Variants in TOX3 observed in about 807,000 individuals in gnomAD.
TOX3 encodes the protein CAG trinucleotide repeat-containing gene F9 protein.
A neutral mutation model predicts 64.3 loss-of-function variants in TOX3; 22 were observed. The ratio of observed to expected loss-of-function variants is 0.34; its 90% CI spans 0.24 to 0.49. TOX3 has a LOEUF of 0.49. Among genes scored for constraint, TOX3 ranks in the 20% least tolerant of loss-of-function variants. The pLI is 0.99. For synonymous variants in TOX3, 291 were observed against 273.6 expected (o/e 1.06, Z -0.63); for missense variants, 661 against 714.4 (o/e 0.93, Z 0.85).
chr16:52,496,523 T>C (rs1961853702), intron 1 of TOX3, among the ~76,000 whole-genome samples: 1 of 152,188 alleles, frequency 6.6e-6, no homozygotes, highest in Admixed American at 6.5e-5. Context: ...AAGAAGTACT[T>C]TCTAAAGACA....
At chr16:52,460,719 G>GA (rs112497200) in intron 3 of TOX3, among the ~76,000 whole-genome samples, 56,356 of 148,262 alleles carry the variant, frequency 0.38, 10,898 homozygotes, top group Middle Eastern at 0.53. Context: ...AGCCAAATAA[G>GA]AAAAAAAAAA....
rs181707343 is a variant in TOX3 at position 52,455,958 on chromosome 16, C to T, written c.409-5412G>A. Among the ~76,000 whole-genome samples the T allele has an allele frequency of 3.3e-3, 510 of 152,256 alleles. 1 individual carries two copies. Among genetic ancestry groups the T allele is most frequent in the African/African-American group, 0.012 (485 of 41,552 alleles). ...GCTGAGGTATAAAGGGAAGTAGAAGCTAACCAAGCCAGGGCATCCCAGACA... is the reference window on the plus strand; with the variant it reads ...GCTGAGGTATAAAGGGAAGTAGAAGTTAACCAAGCCAGGGCATCCCAGACA... On this transcript the variant is annotated intron_variant, in intron 3 of 6. Coordinates refer to ENST00000219746, the MANE Select transcript of TOX3 (RefSeq NM_001080430.4).
chr16:52,451,588 T>C (rs1394827612), intron 3 of TOX3, among the ~76,000 whole-genome samples: 1 of 152,214 alleles, frequency 6.6e-6, no homozygotes, highest in Non-Finnish European at 1.5e-5. Context: ...CAGAATCTAA[T>C]TTTATACACA....
At chr16:52,515,011 CAA>C (rs56746564) in intron 1 of TOX3, among the ~76,000 whole-genome samples, 619 of 15,634 alleles carry the variant, frequency 0.04, 1 homozygote, top group African/African-American at 0.11. Flanking sequence ...GACTCCATCT[CAA>C]AAAAAAAAAA....
In TOX3 at chr16:52,436,593, T is replaced by C. The variant is rs1959761517; in HGVS notation, c.*2632A>G. Among the ~76,000 whole-genome samples the C allele has an allele frequency of 6.6e-6, 1 of 152,214 alleles. No individual in the cohort carries two copies. Among genetic ancestry groups the C allele is most frequent in the Admixed American group, 6.5e-5 (1 of 15,276 alleles). Reference sequence around the variant, plus strand: ...ATTTGGTAACAAGGTTGAGGAATTCTTTTCATGATTCAAGCCTTTTGACAT... The same window carrying C: ...ATTTGGTAACAAGGTTGAGGAATTCCTTTCATGATTCAAGCCTTTTGACAT... On this transcript the variant is annotated 3_prime_UTR_variant, in exon 7 of 7. Coordinates refer to ENST00000219746, the MANE Select transcript of TOX3 (RefSeq NM_001080430.4).
intron 1 of TOX3, among the ~76,000 whole-genome samples, chr16:52,499,619 A>G (rs1299398620): frequency 6.6e-6 from 1 of 152,210 alleles, no homozygotes; most frequent in African/African-American, 2.4e-5. Flanking sequence ...CTAAATAACA[A>G]GGATGCTAAA....
intron 1 of TOX3, among the ~76,000 whole-genome samples, chr16:52,470,896 C>T (rs1267257269): frequency 6.6e-6 from 1 of 152,116 alleles, no homozygotes; most frequent in East Asian, 1.9e-4. Context: ...GCTGATCAGG[C>T]GGGAACAGTT....
intron 1 of TOX3, among the ~76,000 whole-genome samples, chr16:52,488,262 C>A (rs1371155917): frequency 6.6e-6 from 1 of 152,168 alleles, no homozygotes; most frequent in African/African-American, 2.4e-5. Context: ...TCATCAGTGT[C>A]CCGTGTAAAC....
intron 1 of TOX3, among the ~76,000 whole-genome samples, chr16:52,534,598 T>C (rs1430249359): frequency 1.3e-5 from 2 of 151,788 alleles, no homozygotes; most frequent in Non-Finnish European, 2.9e-5. Flanking sequence ...ATCACACCAC[T>C]GCACTCCAGC....
chr16:52,497,302 G>A (rs780822650), intron 1 of TOX3, among the ~76,000 whole-genome samples: 41 of 152,288 alleles, frequency 2.7e-4, no homozygotes, highest in Middle Eastern at 6.8e-3. Context: ...ATAAATTTAA[G>A]AAACACATTG....
At chr16:52,536,015 T>C (rs1476644556) in intron 1 of TOX3, among the ~76,000 whole-genome samples, 1 of 152,206 alleles carries the variant, frequency 6.6e-6, no homozygotes, top group Non-Finnish European at 1.5e-5. Flanking sequence ...TTCACTCAAA[T>C]ACTAAACTAC....
intron 1 of TOX3, chr16:52,519,727 A>G: frequency 1.6e-6 from 1 of 611,322 alleles, no homozygotes; most frequent in Non-Finnish European, 2.4e-6. Context: ...GGAGGCCAAC[A>G]CAGCAGGAGC....
In TOX3 at chr16:52,545,798, G is replaced by A. The variant is rs144843714; in HGVS notation, c.87+839C>T. The stretch of plus-strand genomic sequence containing the variant: ...GGTGGGGGGGAATTCCGCGCGGCCC[G>A]GGTACCAGGGCTGCGACTCTCGCCC... On this transcript the variant is annotated intron_variant, in intron 1 of 6. Coordinates refer to ENST00000219746, the MANE Select transcript of TOX3 (RefSeq NM_001080430.4). Among the ~76,000 whole-genome samples, 866 of 152,206 alleles carry A rather than the reference G, an allele frequency of 5.7e-3. 7 individuals are homozygous for A. The highest frequency in any genetic ancestry group is 0.019 in the African/African-American group (780 of 41,540).
chr16:52,501,155 A>G (rs1377934247), intron 1 of TOX3, among the ~76,000 whole-genome samples: 3 of 152,232 alleles, frequency 2.0e-5, no homozygotes, highest in Non-Finnish European at 2.9e-5. Context: ...ACAGAGGAAC[A>G]AACAGGACTT....
Position 52,488,164 on chromosome 16 carries a change from T to C in TOX3, c.88-19590A>G, listed in dbSNP as rs544473961. Among the ~76,000 whole-genome samples, 3 of 152,292 alleles carry C rather than the reference T, an allele frequency of 2.0e-5. No homozygotes were observed. In the South Asian group the frequency reaches 6.2e-4, roughly 32 times the overall value. On this transcript the variant is annotated intron_variant, in intron 1 of 6. Coordinates refer to ENST00000219746, the MANE Select transcript of TOX3 (RefSeq NM_001080430.4). ...ATTCCATATTTTCCCAACTTCAGGC[T>C]TTCTCTTCCATTGGAAACTCTTCTT...
intron 4 of TOX3, among the ~76,000 whole-genome samples, chr16:52,448,930 T>G (rs1022820034): frequency 2.0e-5 from 3 of 152,242 alleles, no homozygotes; most frequent in Non-Finnish European, 2.9e-5. Context: ...CTTTGTGGGT[T>G]GCTCCTCTCA....
At chr16:52,444,948 T>C (rs1960119688) in intron 5 of TOX3, 1 of 152,200 alleles carries the variant, frequency 6.6e-6, no homozygotes, top group Non-Finnish European at 1.5e-5. Context: ...CTGAGTTACA[T>C]AAATAAAATT....
chr16:52,446,388 A>G (rs775566870), intron 4 of TOX3, among the ~76,000 whole-genome samples, 167 bp from the exon 5 acceptor site: 32 of 152,228 alleles, frequency 2.1e-4, no homozygotes, highest in Admixed American at 3.3e-4. Context: ...TTAACTAGAC[A>G]GCAGAGATTA....
intron 3 of TOX3, among the ~76,000 whole-genome samples, chr16:52,458,553 G>A (rs928842967): frequency 2.0e-5 from 3 of 152,146 alleles, no homozygotes; most frequent in African/African-American, 7.2e-5. Flanking sequence ...AGAAGATACA[G>A]GGAAATAAAC....
Sources: gnomAD v4.1 joint callset for allele counts (sites outside exome capture counted in the v4.1 genomes callset) on GRCh38, gnomAD v4.1.1 for gene constraint, MANE v1.5 for transcripts, NCBI Gene and HGNC (gene_info 2026-07-23, HGNC 2026-07-21) for gene names.